WDR37: variants seen among roughly 807,000 people sequenced by gnomAD.
WDR37 encodes the protein WD repeat-containing protein 37.
A neutral mutation model predicts 62.9 loss-of-function variants in WDR37; 19 were observed. That is an observed-to-expected ratio of 0.30 (90% confidence interval 0.21 to 0.44). The LOEUF is 0.44. Among genes scored for constraint, WDR37 ranks in the 20% least tolerant of loss-of-function variants. The pLI, the probability that WDR37 is intolerant of heterozygous loss-of-function variation, is 1.00. For synonymous variants in WDR37, 250 were observed against 260.9 expected (o/e 0.96, Z 0.40); for missense variants, 474 against 657.6 (o/e 0.72, Z 3.05).
At position 1,130,442 on chromosome 10, in the gene WDR37, G is replaced by C. The variant is rs1589131063; in HGVS notation, c.*1098G>C. The C allele has an allele frequency of 6.5e-6, 1 of 152,818 alleles. No homozygotes were observed. The highest frequency in any genetic ancestry group is 2.4e-5 in the African/African-American group (1 of 41,570). The allele number at this position is 152,818 out of a possible 1,614,324, so 9.5% of individuals were successfully genotyped here. ...GCTGCAGCCAGCAGGCCCCGGTGACGAGACACTTCCAGGTCTTGTGGTGGG... is the reference window on the plus strand; with the variant it reads ...GCTGCAGCCAGCAGGCCCCGGTGACCAGACACTTCCAGGTCTTGTGGTGGG... On this transcript the variant is annotated 3_prime_UTR_variant, in exon 14 of 14. Coordinates refer to ENST00000263150, the MANE Select transcript of WDR37 (RefSeq NM_014023.4).
At chr10:1,074,346 C>T (rs1487236090) in intron 2 of WDR37, 17 of 1,248,214 alleles carry the variant, frequency 1.4e-5, no homozygotes, top group East Asian at 5.7e-5. Flanking sequence ...GAGGCGGTGA[C>T]TGCATCTCAT....
intron 11 of WDR37, among the ~76,000 whole-genome samples, chr10:1,106,517 T>C (rs780888339): frequency 1.3e-5 from 2 of 152,176 alleles, no homozygotes; most frequent in Admixed American, 6.5e-5. Context: ...ACTTTTTGTT[T>C]GTTTGTTTGT....
At chr10:1,078,614 G>A (rs765323750) in intron 3 of WDR37, among the ~76,000 whole-genome samples, 1 of 152,198 alleles carries the variant, frequency 6.6e-6, no homozygotes, top group Non-Finnish European at 1.5e-5. Context: ...ATGCTTCACA[G>A]TGAAATAAAC....
intron 10 of WDR37, among the ~76,000 whole-genome samples, chr10:1,104,819 C>T (rs1046652269): frequency 3.3e-5 from 5 of 152,214 alleles, no homozygotes; most frequent in African/African-American, 7.2e-5. Flanking sequence ...GTATTCTAAG[C>T]AAAGAATCAA....
intron 1 of WDR37, among the ~76,000 whole-genome samples, chr10:1,058,415 G>C (rs144141291): frequency 1.8e-3 from 275 of 152,274 alleles, no homozygotes; most frequent in South Asian, 3.3e-3. Context: ...TGTTCACTTT[G>C]GGCATTTGCC....
At chr10:1,066,654 A>C (rs1370420605) in intron 1 of WDR37, among the ~76,000 whole-genome samples, 1 of 152,262 alleles carries the variant, frequency 6.6e-6, no homozygotes, top group Non-Finnish European at 1.5e-5. Flanking sequence ...CAAAATGGAG[A>C]AAGATTTAAT....
chr10:1,063,275 C>T (rs1217692580), intron 1 of WDR37, among the ~76,000 whole-genome samples: 1 of 152,202 alleles, frequency 6.6e-6, no homozygotes, highest in Non-Finnish European at 1.5e-5. Context: ...CAAGAAAAGC[C>T]TGCTCTCTGT....
At chr10:1,106,489 G>T (rs1300386158) in intron 11 of WDR37, among the ~76,000 whole-genome samples, 1 of 152,174 alleles carries the variant, frequency 6.6e-6, no homozygotes, top group African/African-American at 2.4e-5. Flanking sequence ...TTAGTAAGAT[G>T]TTGGAAAGGA....
chr10:1,106,213 T>A (rs1317761170), intron 11 of WDR37, among the ~76,000 whole-genome samples: 1 of 152,022 alleles, frequency 6.6e-6, no homozygotes, highest in Admixed American at 6.6e-5. Context: ...TGTTCCCTGG[T>A]TCTTCTCTTT....
In WDR37 at chr10:1,125,176, A is replaced by G. The variant is rs1012940737; in HGVS notation, c.1353+152A>G. The G allele has an allele frequency of 2.1e-5, 28 of 1,362,434 alleles. No individual in the cohort carries two copies. The African/African-American group carries it at 2.5e-4, about 12-fold the overall frequency. 84.4% of individuals were successfully genotyped at this position (1,362,434 alleles called of 1,614,324 possible). A position where few individuals can be genotyped will look rare whatever the true frequency, so the allele number is the denominator to read the frequency against. On this transcript the variant is annotated intron_variant, in intron 13 of 13. Coordinates refer to ENST00000263150, the MANE Select transcript of WDR37 (RefSeq NM_014023.4). ...TTAGAGTTCATAAAATTTAAAATTG[A>G]AGAAGTAGAGTTGTACACTCAAGTT... is the stretch of plus-strand genomic sequence containing the variant.
chr10:1,085,211 A>G (rs959295136), intron 6 of WDR37, among the ~76,000 whole-genome samples: 2 of 150,942 alleles, frequency 1.3e-5, no homozygotes, highest in Non-Finnish European at 2.9e-5. Context: ...TGACCTTGTG[A>G]TCTGCCTGCC....
intron 11 of WDR37, among the ~76,000 whole-genome samples, chr10:1,109,718 GA>G (rs956569485): frequency 8.1e-5 from 12 of 148,562 alleles, no homozygotes; most frequent in South Asian, 4.2e-4. Flanking sequence ...CTCCGTCTCA[GA>G]AAAAAAAAAA....
intron 13 of WDR37, among the ~76,000 whole-genome samples, chr10:1,128,897 CCATGCTTGGT>C (rs1835887473): frequency 1.3e-5 from 2 of 148,240 alleles, no homozygotes; most frequent in Admixed American, 1.3e-4. Flanking sequence ...GCTCAGTGGT[CCATGCTTGGT>C]GGTCCATGCT....
intron 13 of WDR37, 113 bp downstream of exon 13, chr10:1,125,137 T>A: frequency 6.8e-7 from 1 of 1,471,334 alleles, no homozygotes; most frequent in Non-Finnish European, 9.0e-7. Flanking sequence ...TCCTTGGAAA[T>A]GCTTGAGCTG....
At chr10:1,064,697 G>T (rs958416446) in intron 1 of WDR37, among the ~76,000 whole-genome samples, 1 of 139,302 alleles carries the variant, frequency 7.2e-6, no homozygotes, top group African/African-American at 2.6e-5. Flanking sequence ...CCAGGTTCAA[G>T]CAGTTCTGCC....
intron 11 of WDR37, among the ~76,000 whole-genome samples, chr10:1,111,798 A>G (rs906643736): frequency 6.6e-6 from 1 of 152,226 alleles, no homozygotes; most frequent in Admixed American, 6.5e-5. Context: ...TATAGCAGAA[A>G]TGTGAAGTTG....
intron 7 of WDR37, among the ~76,000 whole-genome samples, chr10:1,089,616 A>G (rs1834314777): frequency 6.6e-6 from 1 of 150,982 alleles, no homozygotes; most frequent in Non-Finnish European, 1.5e-5. Context: ...CCCACAATTC[A>G]ACCTTCCCAT....
Position 1,085,463 on chromosome 10 carries a change from G to T in WDR37, c.533-823G>T, listed in dbSNP as rs545611561. Among the ~76,000 whole-genome samples, 712 of 152,342 alleles carry T rather than the reference G, an allele frequency of 4.7e-3. 8 individuals carry two copies. Among genetic ancestry groups the T allele is most frequent in the Non-Finnish European group, 8.9e-3 (604 of 68,030 alleles). The stretch of plus-strand genomic sequence containing the variant: ...GTTTGCCCACAGAATCACAGGGGCA[G>T]AGTGTGGAAAGTGACCCTTTGTTTT... On this transcript the variant is annotated intron_variant, in intron 6 of 13. Transcript: ENST00000263150.
chr10:1,067,605 T>G (rs1234465759), intron 1 of WDR37, among the ~76,000 whole-genome samples: 1 of 152,128 alleles, frequency 6.6e-6, no homozygotes, highest in Non-Finnish European at 1.5e-5. Flanking sequence ...AGAAAATGGG[T>G]GTGAAGAGAC....
Sources: allele counts gnomAD v4.1 joint callset (sites outside exome capture counted in the v4.1 genomes callset), GRCh38; gene constraint gnomAD v4.1.1; transcripts MANE v1.5; gene names NCBI Gene and HGNC (gene_info 2026-07-23, HGNC 2026-07-21).